DLG2: variants seen among roughly 807,000 people sequenced by gnomAD.
DLG2 encodes discs large MAGUK scaffold protein 2.
In DLG2, 45 loss-of-function variants were observed where a neutral mutation model predicts 132.5. That is an observed-to-expected ratio of 0.34 (90% confidence interval 0.27 to 0.44). The LOEUF is 0.44. DLG2 is among the 20% of genes least tolerant of loss of function. The probability of loss-of-function intolerance (pLI) is 1.00; values close to 1 mark genes in which losing one functional copy is unlikely to be tolerated. For synonymous variants in DLG2, 424 were observed against 419.6 expected, an observed-to-expected ratio of 1.01 and a Z score of -0.13; for missense variants, 1,045 against 1,196.9, an observed-to-expected ratio of 0.87 and a Z score of 1.87.
intron 6 of DLG2, among the ~76,000 whole-genome samples, chr11:84,572,613 T>G (rs2154527966): frequency 6.6e-6 from 1 of 152,198 alleles, no homozygotes; most frequent in Non-Finnish European, 1.5e-5. Context: ...AGAGGCAAAT[T>G]CACTAGGGGC....
intron 18 of DLG2, among the ~76,000 whole-genome samples, chr11:83,728,591 T>C (rs188621593): frequency 6.6e-5 from 10 of 152,348 alleles, no homozygotes; most frequent in Admixed American, 5.9e-4. Flanking sequence ...CTTGCTTGGC[T>C]GAAGGTTCCA....
chr11:83,560,103 G>C (rs2096585659), intron 19 of DLG2, among the ~76,000 whole-genome samples: 1 of 151,680 alleles, frequency 6.6e-6, no homozygotes, highest in African/African-American at 2.4e-5. Flanking sequence ...GGGGAAGGAT[G>C]GGGGCTGAAC....
intron 18 of DLG2, among the ~76,000 whole-genome samples, chr11:83,696,432 T>C (rs1488779089): frequency 6.6e-6 from 1 of 152,192 alleles, no homozygotes; most frequent in Admixed American, 6.5e-5. Context: ...TTGGTTATTA[T>C]TATTTACTCA....
intron 6 of DLG2, among the ~76,000 whole-genome samples, chr11:84,824,916 T>C (rs1174666944): frequency 6.6e-6 from 1 of 151,902 alleles, no homozygotes; most frequent in East Asian, 1.9e-4. Flanking sequence ...TAAGCATTTG[T>C]TCTCCACGAG....
At chr11:83,506,808 C>A (rs2094725353) in intron 21 of DLG2, among the ~76,000 whole-genome samples, 1 of 152,160 alleles carries the variant, frequency 6.6e-6, no homozygotes, top group Non-Finnish European at 1.5e-5. Flanking sequence ...CATTCTTTTC[C>A]AATCAATGCC....
At chr11:85,459,249 G>A (rs1366748002) in intron 3 of DLG2, among the ~76,000 whole-genome samples, 1 of 152,192 alleles carries the variant, frequency 6.6e-6, no homozygotes, top group African/African-American at 2.4e-5. Context: ...TCAGAAAAAT[G>A]TAGAGCCACT....
At chr11:83,574,078 A>T (rs976769813) in intron 19 of DLG2, among the ~76,000 whole-genome samples, 2 of 152,208 alleles carry the variant, frequency 1.3e-5, no homozygotes, top group Non-Finnish European at 2.9e-5. Context: ...CATGTTAGAC[A>T]TGTTAATTTT....
intron 3 of DLG2, among the ~76,000 whole-genome samples, chr11:85,314,943 A>G (rs2080552180): frequency 6.6e-6 from 1 of 151,990 alleles, no homozygotes; most frequent in Non-Finnish European, 1.5e-5. Flanking sequence ...TTATTTCACA[A>G]GCCAGATTTC....
chr11:85,515,467 A>T (rs1347187860), intron 3 of DLG2, among the ~76,000 whole-genome samples: 1 of 151,912 alleles, frequency 6.6e-6, no homozygotes, highest in Non-Finnish European at 1.5e-5. Context: ...ATCACTTTTC[A>T]TTTTGTAAAC....
At chr11:83,778,166 T>C (rs904699735) in intron 18 of DLG2, among the ~76,000 whole-genome samples, 3 of 152,104 alleles carry the variant, frequency 2.0e-5, no homozygotes, top group Non-Finnish European at 4.4e-5. Flanking sequence ...TCTTTGCATA[T>C]CTCTGTGCAA....
chr11:84,856,299 C>T (rs759287531), intron 6 of DLG2, among the ~76,000 whole-genome samples: 7 of 152,206 alleles, frequency 4.6e-5, no homozygotes, highest in Non-Finnish European at 1.0e-4. Context: ...AGTCATGGCA[C>T]TTCTCCATTG....
intron 16 of DLG2, among the ~76,000 whole-genome samples, chr11:83,859,378 G>A (rs547956916): frequency 6.6e-6 from 1 of 152,174 alleles, no homozygotes; most frequent in Non-Finnish European, 1.5e-5. Flanking sequence ...AGGCTGAGGT[G>A]GTCTCAGATG....
chr11:84,686,356 G>A (rs1038801164), intron 6 of DLG2, among the ~76,000 whole-genome samples: 47 of 152,192 alleles, frequency 3.1e-4, no homozygotes, highest in South Asian at 2.1e-4. Context: ...TTTATGGCAT[G>A]CAGAAGGCAA....
At chr11:83,991,247 AT>A (rs1243170059) in intron 11 of DLG2, among the ~76,000 whole-genome samples, 3 of 152,186 alleles carry the variant, frequency 2.0e-5, no homozygotes, top group African/African-American at 7.2e-5. Flanking sequence ...TCTGCTTAAA[AT>A]TTCTAAGGCA....
intron 8 of DLG2, among the ~76,000 whole-genome samples, chr11:84,239,096 T>G (rs923041774): frequency 6.6e-6 from 1 of 152,158 alleles, no homozygotes; most frequent in South Asian, 2.1e-4. Context: ...AAATAAACAA[T>G]TGAGTGTAAC....
chr11:84,550,630 G>T (rs759253079), intron 6 of DLG2, among the ~76,000 whole-genome samples: 1 of 152,128 alleles, frequency 6.6e-6, no homozygotes, highest in Non-Finnish European at 1.5e-5. Flanking sequence ...ATATCTCCTG[G>T]ATGATCTCCA....
Position 83,839,060 on chromosome 11 carries a change from G to A in DLG2, c.1566-5290C>T, listed in dbSNP as rs1212848476. Among the ~76,000 whole-genome samples the A allele has an allele frequency of 2.6e-5, 4 of 152,040 alleles. No individual in the cohort carries two copies. In the East Asian group the frequency reaches 5.8e-4, roughly 22 times the overall value. On this transcript the variant is annotated intron_variant, in intron 16 of 27. Coordinates refer to ENST00000376104, the MANE Select transcript of DLG2 (RefSeq NM_001142699.3). ...ATTACCCATTTATGTTACCCATCTG[G>A]GGGCATTTTGTTAGTGACCTTTGCA...
chr11:84,294,308 A>C (rs2098056170), intron 7 of DLG2, among the ~76,000 whole-genome samples: 2 of 151,998 alleles, frequency 1.3e-5, no homozygotes, highest in South Asian at 4.1e-4. Flanking sequence ...TTTTTAAAGA[A>C]CACCTCTTGG....
chr11:83,754,651 T>A (rs1323094120), intron 18 of DLG2, among the ~76,000 whole-genome samples: 1 of 151,308 alleles, frequency 6.6e-6, no homozygotes, highest in Non-Finnish European at 1.5e-5. Flanking sequence ...GATTAGAGAT[T>A]CAGGAGGACC....
Sources: gnomAD v4.1 joint callset for allele counts (sites outside exome capture counted in the v4.1 genomes callset) on GRCh38, gnomAD v4.1.1 for gene constraint, MANE v1.5 for transcripts, NCBI Gene and HGNC (gene_info 2026-07-23, HGNC 2026-07-21) for gene names.